Variants in SH3KBP1 observed in about 807,000 individuals in gnomAD.
The protein encoded by SH3KBP1 is SH3 domain-containing kinase-binding protein 1.
A neutral mutation model predicts 50.1 loss-of-function variants in SH3KBP1; 8 were observed. The ratio of observed to expected loss-of-function variants is 0.16; its 90% CI spans 0.09 to 0.29. The LOEUF is 0.29. Among genes scored for constraint, SH3KBP1 ranks in the 10% least tolerant of loss-of-function variants. SH3KBP1 has a pLI of 1.00. For missense variants in SH3KBP1, 377 were observed against 535.2 expected (o/e 0.70, Z 2.92); for synonymous variants, 227 against 218.6 (o/e 1.04, Z -0.34).
At chrX:19,776,250 T>C (rs1219939270) in intron 2 of SH3KBP1, among the ~76,000 whole-genome samples, 1 of 111,322 alleles carries the variant, frequency 9.0e-6, no homozygotes, top group Non-Finnish European at 1.9e-5. Flanking sequence ...GGAAATCTGA[T>C]GTGGAAATGT....
chrX:19,572,502 C>CAT (rs932019584), intron 12 of SH3KBP1, among the ~76,000 whole-genome samples: 1 of 105,807 alleles, frequency 9.5e-6, no homozygotes, highest in Non-Finnish European at 1.9e-5. Flanking sequence ...ATATATAGTA[C>CAT]ATATATATGT....
chrX:19,560,090 A>G (rs2065623480), intron 13 of SH3KBP1, among the ~76,000 whole-genome samples: 1 of 110,214 alleles, frequency 9.1e-6, no homozygotes. Context: ...GTTCAAGTCT[A>G]GCCTGGGCAA....
At chrX:19,624,427 A>G (rs2067949945) in intron 8 of SH3KBP1, among the ~76,000 whole-genome samples, 1 of 111,916 alleles carries the variant, frequency 8.9e-6, no homozygotes, top group Non-Finnish European at 1.9e-5. Context: ...ACAGTTTTAT[A>G]TAATTTGTGT....
intron 6 of SH3KBP1, among the ~76,000 whole-genome samples, chrX:19,682,370 A>C (rs1366524961): frequency 9.2e-6 from 1 of 108,603 alleles, no homozygotes; most frequent in Non-Finnish European, 1.9e-5. Context: ...ACACACACAC[A>C]CACACACAGT....
intron 2 of SH3KBP1, among the ~76,000 whole-genome samples, chrX:19,751,561 C>T (rs1302850508): frequency 9.0e-6 from 1 of 111,636 alleles, no homozygotes; most frequent in East Asian, 2.8e-4. Context: ...CTTCAGAAAG[C>T]AAAGGAAACC....
intron 2 of SH3KBP1, among the ~76,000 whole-genome samples, chrX:19,796,039 C>A (rs747348488): frequency 8.9e-6 from 1 of 111,897 alleles, no homozygotes; most frequent in East Asian, 2.8e-4. Context: ...AAGGTCCTGA[C>A]AAGCATCTGT....
At chrX:19,551,847 T>C (rs1007894759) in intron 13 of SH3KBP1, among the ~76,000 whole-genome samples, 10 of 111,306 alleles carry the variant, frequency 9.0e-5, no homozygotes, top group African/African-American at 3.3e-4. Context: ...CTTGGATGGA[T>C]GCAAAAAGCC....
At chrX:19,882,873 T>TG (rs1437018926) in intron 1 of SH3KBP1, among the ~76,000 whole-genome samples, 1 of 112,061 alleles carries the variant, frequency 8.9e-6, no homozygotes, top group Admixed American at 9.4e-5. Flanking sequence ...GCCTAGGTGT[T>TG]GGAGGTCTGG....
intron 1 of SH3KBP1, among the ~76,000 whole-genome samples, chrX:19,854,364 G>A (rs1034912872): frequency 1.3e-4 from 14 of 110,964 alleles, no homozygotes; most frequent in South Asian, 3.8e-4. Context: ...CAATCTGCCC[G>A]CCTCACCTCC....
intron 8 of SH3KBP1, among the ~76,000 whole-genome samples, chrX:19,620,632 C>G (rs933134466): frequency 9.0e-6 from 1 of 111,351 alleles, no homozygotes; most frequent in Non-Finnish European, 1.9e-5. Context: ...AGAAAGGGCA[C>G]GGGGCAAGGA....
chrX:19,590,336 C>A (rs1380535274), intron 11 of SH3KBP1, among the ~76,000 whole-genome samples: 3 of 111,338 alleles, frequency 2.7e-5, no homozygotes, highest in Non-Finnish European at 5.7e-5. Flanking sequence ...GGAGTTTGTG[C>A]TGACCCAACA....
At chrX:19,567,537 A>T (rs1217237074) in intron 13 of SH3KBP1, among the ~76,000 whole-genome samples, 17 of 65,514 alleles carry the variant, frequency 2.6e-4, no homozygotes, top group African/African-American at 1.2e-3. Flanking sequence ...AAAAAAAAAA[A>T]AAAAAAAAAA....
intron 2 of SH3KBP1, among the ~76,000 whole-genome samples, chrX:19,747,986 T>C (rs759414967): frequency 1.8e-5 from 2 of 112,360 alleles, no homozygotes; most frequent in African/African-American, 6.5e-5. Context: ...TCTGCAAACA[T>C]TGCCCGCCTG....
chrX:19,714,193 G>A (rs1016985265), intron 3 of SH3KBP1, among the ~76,000 whole-genome samples: 10 of 112,180 alleles, frequency 8.9e-5, no homozygotes, highest in African/African-American at 3.2e-4. Context: ...GGCTAGGAAG[G>A]GTAGTGGGAG....
chrX:19,692,689 A>ATTTTTTT (rs1186773036), intron 5 of SH3KBP1, among the ~76,000 whole-genome samples: 13 of 75,050 alleles, frequency 1.7e-4, no homozygotes, highest in African/African-American at 6.6e-4. Flanking sequence ...ATATATATAT[A>ATTTTTTT]TTTTTTTTTT....
chrX:19,730,430 G>A (rs182404032), intron 3 of SH3KBP1, among the ~76,000 whole-genome samples: 56 of 111,773 alleles, frequency 5.0e-4, no homozygotes, highest in African/African-American at 1.8e-3. Context: ...CAAACTATCT[G>A]GGAATTTTTA....
At chrX:19,643,299 A>ATTTTTTTTT (rs2061905224) in intron 7 of SH3KBP1, among the ~76,000 whole-genome samples, 1 of 83,012 alleles carries the variant, frequency 1.2e-5, no homozygotes, top group Non-Finnish European at 2.3e-5. Context: ...GAAACTGAAG[A>ATTTTTTTTT]ATTTTTTATT....
intron 5 of SH3KBP1, among the ~76,000 whole-genome samples, chrX:19,692,709 G>A (rs1453833810): frequency 1.3e-5 from 1 of 77,615 alleles, no homozygotes. Flanking sequence ...TTTTTTAATA[G>A]TCTCTTTCTG....
intron 3 of SH3KBP1, among the ~76,000 whole-genome samples, chrX:19,725,137 G>A (rs778603936): frequency 9.1e-6 from 1 of 110,436 alleles, no homozygotes; most frequent in African/African-American, 3.3e-5. Context: ...AGGAAGTGAA[G>A]GTTGGTAATG....
Sources: allele counts gnomAD v4.1 joint callset (sites outside exome capture counted in the v4.1 genomes callset), GRCh38; gene constraint gnomAD v4.1.1; transcripts MANE v1.5; gene names NCBI Gene and HGNC (gene_info 2026-07-23, HGNC 2026-07-21).